The following TFR2 variants were observed in gnomAD, a reference collection of about 807,000 sequenced individuals.
TFR2 encodes the protein transferrin receptor 2, also known as transferrin receptor protein 2.
Under a neutral mutation model 91.9 loss-of-function variants are expected in TFR2, and 64 were observed. That is an observed-to-expected ratio of 0.70 (90% CI 0.57 to 0.86). TFR2 has a LOEUF of 0.86. Ranked by LOEUF, TFR2 falls within the 40% of genes least tolerant of loss-of-function variation. TFR2 has a pLI of 0.00. For missense variants in TFR2, 950 were observed against 1,080.5 expected (o/e 0.88, Z 1.69); for synonymous variants, 454 against 459.6 (o/e 0.99, Z 0.15).
At chr7:100,621,681 A>G (rs1803115847) in intron 17 of TFR2, among the ~76,000 whole-genome samples, 1 of 151,698 alleles carries the variant, frequency 6.6e-6, no homozygotes. Context: ...TCTTAACACC[A>G]CACCTCCCCA....
rs1314233014 is a variant in TFR2, at chr7:100,620,577, T to G, written c.*280A>C. ...AACCTCCCAGAGTGGTCTCTAGGTA[T>G]GGAGGACCCCAGAAAGGGGAAGGGG... On this transcript the variant is annotated 3_prime_UTR_variant, in exon 18 of 18. Transcript: ENST00000223051. 3 of 409,880 alleles carry G rather than the reference T, an allele frequency of 7.3e-6. No individual in the cohort carries two copies. The highest frequency in any genetic ancestry group is 2.9e-5 in the South Asian group (1 of 34,946). The allele number at this position is 409,880 out of a possible 1,614,324, so 25.4% of individuals were successfully genotyped here.
chr7:100,621,716 C>T (rs1803117156), intron 17 of TFR2, among the ~76,000 whole-genome samples: 1 of 152,192 alleles, frequency 6.6e-6, no homozygotes, highest in Non-Finnish European at 1.5e-5. Flanking sequence ...CCACCCCCAC[C>T]AATGTCCACA....
rs533308280 is a variant in TFR2 at position 100,639,638 on chromosome 7, A to G, written c.473+1048T>C. On this transcript the variant is annotated intron_variant, in intron 3 of 17. Coordinates refer to ENST00000223051, the MANE Select transcript of TFR2 (RefSeq NM_003227.4). Reference sequence around the variant, plus strand: ...GAAAAGAGAATCTCCATCTCCTACTATCTGTAGCTTAGCTGATTACCTACT... The same window carrying G: ...GAAAAGAGAATCTCCATCTCCTACTGTCTGTAGCTTAGCTGATTACCTACT... 2.2e-4 allele frequency among the ~76,000 whole-genome samples: 33 copies of G among 151,874 alleles called. 1 individual carries two copies. The South Asian group carries it at 6.7e-3, about 31-fold the overall frequency.
At chr7:100,625,481 G>A (rs2131309262) in intron 17 of TFR2, among the ~76,000 whole-genome samples, 1 of 152,286 alleles carries the variant, frequency 6.6e-6, no homozygotes, top group Non-Finnish European at 1.5e-5. Context: ...ACCAAGATCT[G>A]TGAATGAGAA....
At chr7:100,639,045 A>G (rs767814609) in intron 3 of TFR2, among the ~76,000 whole-genome samples, 1 of 152,142 alleles carries the variant, frequency 6.6e-6, no homozygotes, top group African/African-American at 2.4e-5. Context: ...AAGGAAATCT[A>G]TTAACACAAA....
chr7:100,632,302 C>G, intron 6 of TFR2, 104 bp from the exon 7 acceptor site: 2 of 1,077,802 alleles, frequency 1.9e-6, no homozygotes, highest in Admixed American at 3.4e-5. Flanking sequence ...ACTGTCCATC[C>G]CACGGAGAGG....
chr7:100,638,888 G>A (rs1803632968), intron 3 of TFR2, among the ~76,000 whole-genome samples: 7 of 151,830 alleles, frequency 4.6e-5, no homozygotes, highest in Admixed American at 4.6e-4. Flanking sequence ...GCACTGTCTG[G>A]GTGACAGTGA....
chr7:100,633,683 C>G, intron 3 of TFR2, 127 bp from the exon 4 acceptor site: 1 of 776,988 alleles, frequency 1.3e-6, no homozygotes, highest in Non-Finnish European at 1.7e-6. Context: ...AGGAAAAGAG[C>G]GCTCCCCGCG....
chr7:100,638,454 A>G (rs2131325505), intron 3 of TFR2, among the ~76,000 whole-genome samples: 1 of 152,098 alleles, frequency 6.6e-6, no homozygotes, highest in Non-Finnish European at 1.5e-5. Context: ...TCTACTAAAA[A>G]AAATTAAAAA....
rs966661934 is a variant in TFR2, at chr7:100,638,553, C to A, written c.473+2133G>T. 3.8e-4 allele frequency among the ~76,000 whole-genome samples: 57 copies of A among 151,494 alleles called. 1 individual carries two copies. The highest frequency in any genetic ancestry group is 2.3e-3 in the Admixed American group (35 of 15,222). On this transcript the variant is annotated intron_variant, in intron 3 of 17. Coordinates refer to ENST00000223051, the MANE Select transcript of TFR2 (RefSeq NM_003227.4). ...TCATCTGAGGTCAGGAGTTTGAGAC[C>A]AGTCTGCCCAACATGGTGAAACCCC...
intron 9 of TFR2, among the ~76,000 whole-genome samples, chr7:100,630,203 T>TCTTCCTTCCTTCCTTCCTTCCTTC (rs56033226): frequency 1.3e-5 from 2 of 149,636 alleles, no homozygotes; most frequent in African/African-American, 4.9e-5. Context: ...CATGCTTGAG[T>TCTTCCTTCCTTCCTTCCTTCCTTC]CTTCCTTCCT....
At position 100,640,328 on chromosome 7, in the gene TFR2, C is replaced by T. The variant is rs562940189; in HGVS notation, c.473+358G>A. 8.4e-5 allele frequency: 21 copies of T among 251,162 alleles called. No individual in the cohort carries two copies. In the Admixed American group the frequency reaches 8.4e-4, roughly 10 times the overall value. 15.6% of individuals were successfully genotyped at this position (251,162 alleles called of 1,614,324 possible). The stretch of plus-strand genomic sequence containing the variant: ...CTTGGTTTTCTGATTCCCTAGAATG[C>T]GGCTTCTCAGAACCCCTCAGCGCTC... On this transcript the variant is annotated intron_variant, in intron 3 of 17. Transcript: ENST00000223051.
chr7:100,636,781 GA>G (rs1486533554), intron 3 of TFR2, among the ~76,000 whole-genome samples: 3 of 151,294 alleles, frequency 2.0e-5, no homozygotes, highest in African/African-American at 7.3e-5. Flanking sequence ...CCATCCCACC[GA>G]GAGCCATGTT....
intron 10 of TFR2, among the ~76,000 whole-genome samples, chr7:100,628,515 T>A (rs975191783): frequency 1.3e-5 from 2 of 152,108 alleles, no homozygotes; most frequent in Non-Finnish European, 2.9e-5. Context: ...TCCTCTTGCC[T>A]CAGCCTCCCA....
At chr7:100,634,414 C>A (rs761608383) in intron 3 of TFR2, among the ~76,000 whole-genome samples, 1 of 152,100 alleles carries the variant, frequency 6.6e-6, no homozygotes, top group Non-Finnish European at 1.5e-5. Flanking sequence ...CGCCACCAAC[C>A]GCTGATTTTT....
chr7:100,630,972 C>T lies in TFR2; in HGVS notation c.1187G>A (p.Arg396Gln), dbSNP rs958164035. Residue 396 changes from arginine (R) to glutamine (Q), a missense_variant, in exon 9 of 18, where the codon CGA becomes CAA. Arg to Gln is a conservative substitution (Grantham distance 43). Coordinates refer to ENST00000223051, the MANE Select transcript of TFR2 (RefSeq NM_003227.4). Reference protein sequence around the residue: ...GSPYHLGPGPRLRLVVNNHRT... With the variant: ...GSPYHLGPGPQLRLVVNNHRT... ...GTGATTGTTGACCACTAGCCGCAGT[C>T]GTGGCCCGGGGCCCAGGTGATAAGG... 9 of 1,612,448 alleles carry T rather than the reference C, an allele frequency of 5.6e-6. No individual in the cohort carries two copies. Among genetic ancestry groups the T allele is most frequent in the East Asian group, 2.2e-5 (1 of 44,900 alleles).
intron 17 of TFR2, among the ~76,000 whole-genome samples, chr7:100,623,337 T>C (rs1803160574): frequency 6.6e-6 from 1 of 152,258 alleles, no homozygotes; most frequent in Non-Finnish European, 1.5e-5. Context: ...ACAACTATTA[T>C]TATTATTCTC....
In TFR2 at chr7:100,641,519, C is replaced by G; in HGVS notation, c.-10G>C. 6.2e-7 allele frequency: 1 copy of G among 1,613,810 alleles called. No homozygotes were observed. Among genetic ancestry groups the G allele is most frequent in the Non-Finnish European group, 8.5e-7 (1 of 1,179,880 alleles). Reference sequence around the variant, plus strand: ...CCCAAAGCCGCTCCATGCTTGTGTCCCCTCCTGAAGCCTGCAGGCTGTCCC... The same window carrying G: ...CCCAAAGCCGCTCCATGCTTGTGTCGCCTCCTGAAGCCTGCAGGCTGTCCC... On this transcript the variant is annotated 5_prime_UTR_variant, in exon 1 of 18. Coordinates refer to ENST00000223051, the MANE Select transcript of TFR2 (RefSeq NM_003227.4).
At chr7:100,641,431 CTT>C in intron 1 of TFR2, 44 bp downstream of exon 1, 1 of 1,612,070 alleles carries the variant, frequency 6.2e-7, no homozygotes, top group Non-Finnish European at 8.5e-7. Context: ...GGCTGAGGGA[CTT>C]AGAGAGAAGG....
Sources: gnomAD v4.1 joint callset for allele counts (sites outside exome capture counted in the v4.1 genomes callset) on GRCh38, gnomAD v4.1.1 for gene constraint, MANE v1.5 for transcripts, NCBI Gene and HGNC (gene_info 2026-07-23, HGNC 2026-07-21) for gene names.